PCDHGA1: variants seen among roughly 807,000 people sequenced by gnomAD.
PCDHGA1 encodes protocadherin gamma subfamily A, 1.
Under a neutral mutation model 58.0 loss-of-function variants are expected in PCDHGA1, and 32 were observed. The ratio of observed to expected loss-of-function variants is 0.55; its 90% confidence interval spans 0.42 to 0.74. The LOEUF is 0.74. Ranked by LOEUF, PCDHGA1 falls within the 30% of genes least tolerant of loss-of-function variation. The pLI is 0.00. For synonymous variants in PCDHGA1, 498 were observed against 501.1 expected (o/e 0.99, Z 0.08); for missense variants, 1,205 against 1,182.3 (o/e 1.02, Z -0.28).
chr5:141,402,324 A>G (rs895598623), intron 1 of PCDHGA1, among the ~76,000 whole-genome samples: 2 of 152,012 alleles, frequency 1.3e-5, no homozygotes, highest in Admixed American at 1.3e-4. Context: ...TTTTACATTT[A>G]CAAATATATA....
In PCDHGA1 at chr5:141,489,844, C is replaced by G. The variant is rs1004902910; in HGVS notation, c.2422-4963C>G. Reference sequence around the variant, plus strand: ...GCTGGTGCTAGAGCAGCAGCTGGATCGTGAAGCCCAGGCAAGACATCAGCT... The same window carrying G: ...GCTGGTGCTAGAGCAGCAGCTGGATGGTGAAGCCCAGGCAAGACATCAGCT... On this transcript the variant is annotated intron_variant, in intron 1 of 3. Coordinates refer to ENST00000517417, the MANE Select transcript of PCDHGA1 (RefSeq NM_018912.3). The surrounding 1 kb of genome is among the most constrained non-coding windows in gnomAD (Gnocchi z 4.5). The G allele has an allele frequency of 1.2e-6, 2 of 1,614,030 alleles. No individual in the cohort carries two copies. Among genetic ancestry groups the G allele is most frequent in the Non-Finnish European group, 8.5e-7 (1 of 1,179,990 alleles).
intron 1 of PCDHGA1, among the ~76,000 whole-genome samples, chr5:141,488,398 A>T (rs2099675065): frequency 6.6e-6 from 1 of 152,192 alleles, no homozygotes; most frequent in African/African-American, 2.4e-5. Flanking sequence ...GAAACCATGA[A>T]ACCTAGAAGC....
At chr5:141,500,094 A>C (rs2099796337) in intron 2 of PCDHGA1, among the ~76,000 whole-genome samples, 1 of 151,860 alleles carries the variant, frequency 6.6e-6, no homozygotes, top group South Asian at 2.1e-4. Context: ...CCATTTTTGC[A>C]ATTTATTTGT....
chr5:141,479,928 C>T (rs1309777916), intron 1 of PCDHGA1, among the ~76,000 whole-genome samples: 1 of 152,222 alleles, frequency 6.6e-6, no homozygotes, highest in African/African-American at 2.4e-5. Flanking sequence ...CTCAGTGCAT[C>T]ATTGCTATCA....
At chr5:141,448,639 T>C (rs1248697237) in intron 1 of PCDHGA1, among the ~76,000 whole-genome samples, 1 of 152,148 alleles carries the variant, frequency 6.6e-6, no homozygotes, top group Non-Finnish European at 1.5e-5. Context: ...CATTATATCC[T>C]TTAAAAATAT....
chr5:141,370,950 C>G (rs78666647), intron 1 of PCDHGA1: 1 of 1,614,002 alleles, frequency 6.2e-7, no homozygotes, highest in South Asian at 1.1e-5. Flanking sequence ...GAAGGAGAAC[C>G]TGGATGGCAG....
intron 1 of PCDHGA1, chr5:141,366,536 C>T (rs779007704): frequency 1.9e-6 from 3 of 1,614,132 alleles, no homozygotes; most frequent in African/African-American, 1.3e-5. Context: ...GGCGGGTGTG[C>T]CCGCCTCGCA....
intron 1 of PCDHGA1, chr5:141,394,218 G>C: frequency 6.2e-7 from 1 of 1,613,918 alleles, no homozygotes; most frequent in Non-Finnish European, 8.5e-7. Context: ...CCTGAGAGGA[G>C]CCTCCATCTT....
In PCDHGA1 at chr5:141,344,626, G is replaced by A. The variant is rs776148774; in HGVS notation, c.2421+11521G>A. The A allele has an allele frequency of 5.0e-6, 8 of 1,613,928 alleles. No homozygotes were observed. The South Asian group carries it at 6.6e-5, about 13-fold the overall frequency. On this transcript the variant is annotated intron_variant, in intron 1 of 3. Transcript: ENST00000517417. ...AAGTATCCAGAGCTGGTGCTGGAGC[G>A]GGCCCTGGACCGTGAGAAAAAAGAA...
chr5:141,388,310 A>G, intron 1 of PCDHGA1: 1 of 1,613,880 alleles, frequency 6.2e-7, no homozygotes, highest in Non-Finnish European at 8.5e-7. Flanking sequence ...AGCTGCAAAT[A>G]AGTGAGTCTG....
chr5:141,343,131 T>C (rs1159456093), intron 1 of PCDHGA1: 1 of 212,694 alleles, frequency 4.7e-6, no homozygotes, highest in Non-Finnish European at 8.1e-6. Flanking sequence ...TATATCCTTA[T>C]AATCTCTGTG....
At chr5:141,399,107 G>A in intron 1 of PCDHGA1, 1 of 1,613,794 alleles carries the variant, frequency 6.2e-7, no homozygotes, top group Non-Finnish European at 8.5e-7. Flanking sequence ...GTTGCACAAT[G>A]TACAGTTGAA....
At chr5:141,492,161 TC>T (rs1269738341) in intron 1 of PCDHGA1, among the ~76,000 whole-genome samples, 2 of 152,142 alleles carry the variant, frequency 1.3e-5, no homozygotes, top group Admixed American at 6.5e-5. Context: ...ACCCTCCCTA[TC>T]CCCGCATCAC....
chr5:141,380,531 A>G (rs1197165586), intron 1 of PCDHGA1, among the ~76,000 whole-genome samples: 4 of 152,346 alleles, frequency 2.6e-5, no homozygotes, highest in African/African-American at 9.6e-5. Flanking sequence ...AATGATTTCA[A>G]TTTGATACAA....
intron 1 of PCDHGA1, chr5:141,395,745 T>C (rs2093305954): frequency 6.5e-6 from 1 of 153,196 alleles, no homozygotes; most frequent in African/African-American, 2.4e-5. Context: ...AAACCTCTTT[T>C]CTGAGCCCTG....
chr5:141,432,173 GTC>G lies in PCDHGA1; in HGVS notation c.2422-62630_2422-62629del. 6.2e-7 allele frequency: 1 copy of G among 1,614,054 alleles called. No individual in the cohort carries two copies. Among genetic ancestry groups the G allele is most frequent in the Non-Finnish European group, 8.5e-7 (1 of 1,180,018 alleles). Reference sequence around the variant, plus strand: ...GAACAATCCCAGAGGAGTTTCCCTCGTCTCTGTGACCGCCCACGACCCCGACT... The same window carrying G: ...GAACAATCCCAGAGGAGTTTCCCTCGTCTGTGACCGCCCACGACCCCGACT... On this transcript the variant is annotated intron_variant, in intron 1 of 3. Coordinates refer to ENST00000517417, the MANE Select transcript of PCDHGA1 (RefSeq NM_018912.3). This position sits in a 1 kb window ranked among gnomAD's most constrained non-coding sequence, Gnocchi z 6.0.
rs770678698 is a variant in PCDHGA1 at position 141,384,022 on chromosome 5, G to A, written c.2421+50917G>A. On this transcript the variant is annotated intron_variant, in intron 1 of 3. Transcript: ENST00000517417. ...TGCTCTTTTCTACCTACAAGACAGA[G>A]ATTCTGGAAAGAATGGTGAGGTGAC... 3 of 1,613,562 alleles carry A rather than the reference G, an allele frequency of 1.9e-6. No individual in the cohort carries two copies. The highest frequency in any genetic ancestry group is 2.5e-6 in the Non-Finnish European group (3 of 1,179,762).
intron 1 of PCDHGA1, chr5:141,373,900 C>G (rs1392088085): frequency 1.8e-6 from 1 of 550,068 alleles, no homozygotes; most frequent in Non-Finnish European, 3.0e-6. Context: ...CAAGTTACAT[C>G]CTCCAACAAC....
intron 1 of PCDHGA1, among the ~76,000 whole-genome samples, chr5:141,380,425 G>A (rs1383419124): frequency 1.3e-5 from 2 of 152,192 alleles, no homozygotes; most frequent in Non-Finnish European, 1.5e-5. Context: ...AAGCCAAATA[G>A]ACTTTACATA....
Sources: gnomAD v4.1 joint callset for allele counts (sites outside exome capture counted in the v4.1 genomes callset) on GRCh38, gnomAD v4.1.1 for gene constraint, Gnocchi (gnomAD v3.1) non-coding constraint, MANE v1.5 for transcripts, NCBI Gene and HGNC (gene_info 2026-07-23, HGNC 2026-07-21) for gene names.